Variants in PCDHA4 observed in about 807,000 individuals in gnomAD.
PCDHA4 encodes the protein protocadherin alpha-4.
In PCDHA4, 49 loss-of-function variants were observed where a neutral mutation model predicts 61.4. The ratio of observed to expected loss-of-function variants is 0.80; its 90% CI spans 0.63 to 1.01. The LOEUF (loss-of-function observed/expected upper bound fraction) is 1.01, where lower values mean the gene tolerates loss of function less well. PCDHA4 is among the 50% of genes least tolerant of loss of function. The probability of loss-of-function intolerance (pLI) is 0.00; values close to 1 mark genes in which losing one functional copy is unlikely to be tolerated. For synonymous variants in PCDHA4, 590 were observed against 550.3 expected, an observed-to-expected ratio of 1.07 and a Z score of -1.01; for missense variants, 1,254 against 1,235.8, an observed-to-expected ratio of 1.01 and a Z score of -0.22.
chr5:140,917,442 G>C (rs186885625), intron 1 of PCDHA4, among the ~76,000 whole-genome samples: 5 of 152,072 alleles, frequency 3.3e-5, no homozygotes, highest in Admixed American at 3.3e-4. Flanking sequence ...TGTTTTTGCT[G>C]CAAGAGCGTT....
At chr5:140,944,839 G>C (rs1449491788) in intron 1 of PCDHA4, among the ~76,000 whole-genome samples, 3 of 152,130 alleles carry the variant, frequency 2.0e-5, no homozygotes, top group African/African-American at 7.2e-5. Flanking sequence ...TGTAAAATGA[G>C]ATATTAGAAT....
intron 1 of PCDHA4, among the ~76,000 whole-genome samples, chr5:140,952,427 C>T (rs2094744253): frequency 6.6e-6 from 1 of 152,162 alleles, no homozygotes; most frequent in African/African-American, 2.4e-5. Flanking sequence ...CAGATTCCTA[C>T]AGCACAGGCA....
chr5:140,956,706 G>A (rs1166051458), intron 1 of PCDHA4, among the ~76,000 whole-genome samples: 2 of 152,172 alleles, frequency 1.3e-5, no homozygotes, highest in African/African-American at 4.8e-5. Flanking sequence ...GTTTGGAATA[G>A]CTTCAGAAGA....
chr5:140,904,423 T>TTA (rs1304104435), intron 1 of PCDHA4, among the ~76,000 whole-genome samples: 1 of 151,090 alleles, frequency 6.6e-6, no homozygotes. Flanking sequence ...TACATATATT[T>TTA]TATATATATG....
chr5:140,992,823 T>A (rs1261484178), intron 3 of PCDHA4, among the ~76,000 whole-genome samples: 1 of 152,140 alleles, frequency 6.6e-6, no homozygotes, highest in Non-Finnish European at 1.5e-5. Flanking sequence ...ATGTGTTTGT[T>A]TTTTGGGAAC....
chr5:140,903,884 A>C (rs1466107424), intron 1 of PCDHA4, among the ~76,000 whole-genome samples: 1 of 152,214 alleles, frequency 6.6e-6, no homozygotes, highest in Non-Finnish European at 1.5e-5. Context: ...AAGACATTGA[A>C]TCTTGACCTG....
chr5:140,884,253 C>G (rs1356283866), intron 1 of PCDHA4: 2 of 1,613,302 alleles, frequency 1.2e-6, no homozygotes, highest in Non-Finnish European at 1.7e-6. Flanking sequence ...CTGACGGCCA[C>G]GGCAACGGTG....
rs2150154763 is a variant in PCDHA4, at chr5:140,828,384, G to A, written c.2385+18812G>A. ...ATCGACCGCGAGGAGCTGTGCGGGC[G>A]GAGCGCGGAGTGCAGCATCCACCTG... On this transcript the variant is annotated intron_variant, in intron 1 of 3. Coordinates refer to ENST00000530339, the MANE Select transcript of PCDHA4 (RefSeq NM_018907.4). The A allele has an allele frequency of 1.4e-5, 23 of 1,614,166 alleles. No individual in the cohort carries two copies. In the East Asian group the frequency reaches 4.0e-4, roughly 28 times the overall value.
At chr5:140,895,843 C>G (rs574376494) in intron 1 of PCDHA4, among the ~76,000 whole-genome samples, 1 of 152,232 alleles carries the variant, frequency 6.6e-6, no homozygotes, top group East Asian at 1.9e-4. Context: ...CAAAGTCTCA[C>G]TCTTGTACCC....
rs574140858 is a variant in PCDHA4 at position 140,929,782 on chromosome 5, A to C, written c.2386-49167A>C. On this transcript the variant is annotated intron_variant, in intron 1 of 3. Coordinates refer to ENST00000530339, the MANE Select transcript of PCDHA4 (RefSeq NM_018907.4). The stretch of plus-strand genomic sequence containing the variant: ...GACGATAACCACAAAAGATGTAAAA[A>C]TAAATTACAATGGGGGTTAAAAGAA... The C allele has an allele frequency of 1.8e-5, 3 of 168,346 alleles. No individual in the cohort carries two copies. The Admixed American group carries it at 1.9e-4, about 11-fold the overall frequency. 10.4% of individuals were successfully genotyped at this position (168,346 alleles called of 1,614,324 possible). A position where few individuals can be genotyped will look rare whatever the true frequency, so the allele number is the denominator to read the frequency against.
intron 1 of PCDHA4, chr5:140,849,752 C>G (rs2041099569): frequency 3.1e-6 from 5 of 1,598,274 alleles, no homozygotes; most frequent in Admixed American, 3.4e-5. Context: ...AGAGTGTGTC[C>G]GCCTACGAGC....
intron 1 of PCDHA4, chr5:140,828,974 A>G (rs1314280199): frequency 1.2e-6 from 2 of 1,614,192 alleles, no homozygotes; most frequent in Non-Finnish European, 1.7e-6. Context: ...CCACTTTAGC[A>G]TAGATCGAAA....
At position 140,838,838 on chromosome 5, in the gene PCDHA4, C is replaced by T. The variant is rs1484620027; in HGVS notation, c.2385+29266C>T. Among the ~76,000 whole-genome samples the T allele has an allele frequency of 2.0e-5, 3 of 151,902 alleles. No homozygotes were observed. In the East Asian group the frequency reaches 5.8e-4, roughly 29 times the overall value. On this transcript the variant is annotated intron_variant, in intron 1 of 3. Coordinates refer to ENST00000530339, the MANE Select transcript of PCDHA4 (RefSeq NM_018907.4). ...TCAAGAAACTGAGGTGGGAGGATCACTTAAGCCAGGGAGGTCCAAGCTGCA... is the reference window on the plus strand; with the variant it reads ...TCAAGAAACTGAGGTGGGAGGATCATTTAAGCCAGGGAGGTCCAAGCTGCA...
chr5:140,881,269 GAAGT>G (rs1235494766), intron 1 of PCDHA4: 1 of 648,656 alleles, frequency 1.5e-6, no homozygotes, highest in African/African-American at 2.0e-5. Context: ...CAGTGATGAT[GAAGT>G]AAGATGGAGA....
intron 1 of PCDHA4, among the ~76,000 whole-genome samples, chr5:140,826,104 A>G (rs1481696647): frequency 2.0e-5 from 3 of 152,168 alleles, no homozygotes; most frequent in African/African-American, 7.2e-5. Context: ...CTATCATGCT[A>G]TTTATATATT....
chr5:140,849,660 C>G (rs2041023883), intron 1 of PCDHA4: 1 of 1,598,636 alleles, frequency 6.3e-7, no homozygotes, highest in Admixed American at 1.7e-5. Context: ...TACCTGCTCC[C>G]TGACGCCCCA....
chr5:140,827,955 C>G, intron 1 of PCDHA4: 1 of 1,286,520 alleles, frequency 7.8e-7, no homozygotes, highest in South Asian at 1.5e-5. Flanking sequence ...ATTCAAATTT[C>G]TTCTATTACT....
intron 1 of PCDHA4, chr5:140,929,360 C>T (rs781864515): frequency 6.6e-7 from 1 of 1,519,748 alleles, no homozygotes; most frequent in Admixed American, 2.2e-5. Context: ...TTCCTTTGGC[C>T]CGGAGATGGC....
At chr5:140,968,170 C>G in intron 1 of PCDHA4, 1 of 1,614,132 alleles carries the variant, frequency 6.2e-7, no homozygotes, top group Middle Eastern at 1.6e-4. Context: ...ATCCACCAAG[C>G]TTCCTGGAGG....
Sources: gnomAD v4.1 joint callset for allele counts (sites outside exome capture counted in the v4.1 genomes callset) on GRCh38, gnomAD v4.1.1 for gene constraint, MANE v1.5 for transcripts, NCBI Gene and HGNC (gene_info 2026-07-23, HGNC 2026-07-21) for gene names.